The following MVB12B variants were observed in gnomAD, a reference collection of about 807,000 sequenced individuals.
The protein encoded by MVB12B is multivesicular body subunit 12B.
In MVB12B, 16 loss-of-function variants were observed where a neutral mutation model predicts 41.6. The ratio of observed to expected loss-of-function variants is 0.38; its 90% confidence interval spans 0.26 to 0.58. The LOEUF is 0.58. Ranked by LOEUF, MVB12B falls within the 20% of genes least tolerant of loss-of-function variation. MVB12B has a pLI of 0.62. For missense variants in MVB12B, 274 were observed against 380.2 expected (o/e 0.72, Z 2.32); for synonymous variants, 133 against 139.7 (o/e 0.95, Z 0.34).
intron 9 of MVB12B, among the ~76,000 whole-genome samples, chr9:126,491,944 T>C (rs1340928552): frequency 6.6e-6 from 1 of 152,160 alleles, no homozygotes; most frequent in Non-Finnish European, 1.5e-5. Flanking sequence ...CCATAAATTG[T>C]TGAGGTTCTT....
chr9:126,470,967 C>T (rs1395710846), intron 7 of MVB12B, among the ~76,000 whole-genome samples: 1 of 152,158 alleles, frequency 6.6e-6, no homozygotes, highest in Non-Finnish European at 1.5e-5. Context: ...CTGAGCAGTT[C>T]GTTCGTACCT....
At chr9:126,398,710 G>A (rs914231581) in intron 6 of MVB12B, among the ~76,000 whole-genome samples, 14 of 151,970 alleles carry the variant, frequency 9.2e-5, no homozygotes, top group Non-Finnish European at 1.5e-4. Flanking sequence ...GTTCTGAGCC[G>A]GAGCTAGTGG....
At chr9:126,422,411 G>A (rs567155579) in intron 7 of MVB12B, among the ~76,000 whole-genome samples, 58 of 152,270 alleles carry the variant, frequency 3.8e-4, no homozygotes, top group African/African-American at 1.3e-3. Flanking sequence ...ATGAGTCTGT[G>A]GTTTCTGAAC....
chr9:126,462,949 T>G (rs1833119312), intron 7 of MVB12B, among the ~76,000 whole-genome samples: 1 of 152,238 alleles, frequency 6.6e-6, no homozygotes, highest in South Asian at 2.1e-4. Flanking sequence ...TTGATGGCAT[T>G]CTGCCTCATA....
rs182259987 is a variant in MVB12B, at chr9:126,444,685, T to C, written c.757+22737T>C. ...TTGCCATCACGTTTTAGAAAAGCCTTCTCGGTTTTCTGGTATATTCTAGTA... is the reference window on the plus strand; with the variant it reads ...TTGCCATCACGTTTTAGAAAAGCCTCCTCGGTTTTCTGGTATATTCTAGTA... On this transcript the variant is annotated intron_variant, in intron 7 of 9. Coordinates refer to ENST00000361171, the MANE Select transcript of MVB12B (RefSeq NM_033446.3). Among the ~76,000 whole-genome samples the C allele has an allele frequency of 2.6e-5, 4 of 152,336 alleles. No individual in the cohort carries two copies. In the East Asian group the frequency reaches 7.7e-4, roughly 29 times the overall value.
At chr9:126,351,355 G>A (rs1371075251) in intron 2 of MVB12B, among the ~76,000 whole-genome samples, 1 of 151,360 alleles carries the variant, frequency 6.6e-6, no homozygotes, top group Non-Finnish European at 1.5e-5. Flanking sequence ...TTTCCCATCT[G>A]TATGCCTTTT....
chr9:126,442,040 C>G (rs1429274569), intron 7 of MVB12B, among the ~76,000 whole-genome samples: 1 of 152,164 alleles, frequency 6.6e-6, no homozygotes, highest in Non-Finnish European at 1.5e-5. Flanking sequence ...AAATAGCTAG[C>G]CCATAATCAT....
intron 7 of MVB12B, among the ~76,000 whole-genome samples, chr9:126,423,085 T>C (rs1180192769): frequency 2.0e-5 from 3 of 152,162 alleles, no homozygotes; most frequent in Admixed American, 1.3e-4. Context: ...GCATAACAAG[T>C]GTGGAAAGAT....
intron 6 of MVB12B, among the ~76,000 whole-genome samples, chr9:126,416,133 G>A (rs939663676): frequency 8.5e-5 from 13 of 152,250 alleles, no homozygotes; most frequent in African/African-American, 2.9e-4. Flanking sequence ...GAAAGGCCCC[G>A]TGGGTTCTGC....
In MVB12B at chr9:126,392,036, T is replaced by G. The variant is rs1465071318; in HGVS notation, c.410-30T>G. On this transcript the variant is annotated intron_variant, in intron 4 of 9. Coordinates refer to ENST00000361171, the MANE Select transcript of MVB12B (RefSeq NM_033446.3). This position sits in a 1 kb window ranked among gnomAD's most constrained non-coding sequence, Gnocchi z 4.8. ...AGAGATTCTGGTATCTCTGGAAAAC[T>G]CATACCTTTTCTATTGTCCTTTCCT... 1.2e-6 allele frequency: 2 copies of G among 1,613,550 alleles called. No individual in the cohort carries two copies. Among genetic ancestry groups the G allele is most frequent in the South Asian group, 2.2e-5 (2 of 91,058 alleles).
At chr9:126,347,464 C>G (rs1829629937) in intron 2 of MVB12B, among the ~76,000 whole-genome samples, 2 of 152,164 alleles carry the variant, frequency 1.3e-5, no homozygotes, top group South Asian at 2.1e-4. Context: ...TATATATGCC[C>G]AAAACGTAGT....
chr9:126,497,896 G>A (rs1014390277), intron 9 of MVB12B, among the ~76,000 whole-genome samples: 2 of 152,178 alleles, frequency 1.3e-5, no homozygotes, highest in Non-Finnish European at 2.9e-5. Context: ...TTGTCAAAAC[G>A]CCCACACCCA....
chr9:126,457,178 C>T (rs1274633489), intron 7 of MVB12B, among the ~76,000 whole-genome samples: 1 of 152,124 alleles, frequency 6.6e-6, no homozygotes, highest in Non-Finnish European at 1.5e-5. Flanking sequence ...CCTTCCCTTA[C>T]CCACACTGCG....
chr9:126,419,459 G>T (rs559375771), intron 6 of MVB12B, among the ~76,000 whole-genome samples: 1 of 152,148 alleles, frequency 6.6e-6, no homozygotes, highest in African/African-American at 2.4e-5. Flanking sequence ...ACTGGGCCGC[G>T]CATATTGTGT....
intron 7 of MVB12B, among the ~76,000 whole-genome samples, chr9:126,455,376 C>T (rs1311568801): frequency 5.9e-5 from 9 of 151,510 alleles, no homozygotes; most frequent in Admixed American, 6.6e-5. Flanking sequence ...TTAGTAGAGA[C>T]GGGGTTTCAC....
chr9:126,332,967 T>A (rs984522350), intron 1 of MVB12B, among the ~76,000 whole-genome samples: 1 of 152,254 alleles, frequency 6.6e-6, no homozygotes, highest in African/African-American at 2.4e-5. Flanking sequence ...CGAGTGCATG[T>A]GTGCACATAC....
At chr9:126,461,490 A>G (rs1026122867) in intron 7 of MVB12B, among the ~76,000 whole-genome samples, 6 of 152,236 alleles carry the variant, frequency 3.9e-5, no homozygotes, top group Admixed American at 6.5e-5. Flanking sequence ...GAAAGAAACT[A>G]AGGGAACATC....
intron 7 of MVB12B, among the ~76,000 whole-genome samples, chr9:126,443,859 G>T (rs900798763): frequency 2.0e-5 from 3 of 152,226 alleles, no homozygotes; most frequent in Non-Finnish European, 4.4e-5. Flanking sequence ...AAGTTCACTT[G>T]CCTCCATTTC....
chr9:126,400,771 C>T (rs983743535), intron 6 of MVB12B, among the ~76,000 whole-genome samples: 1 of 152,216 alleles, frequency 6.6e-6, no homozygotes, highest in African/African-American at 2.4e-5. Context: ...TGTGCAGCCT[C>T]CCTGAGAGGG....
Sources: gnomAD v4.1 joint callset for allele counts (sites outside exome capture counted in the v4.1 genomes callset) on GRCh38, gnomAD v4.1.1 for gene constraint, Gnocchi (gnomAD v3.1) non-coding constraint, MANE v1.5 for transcripts, NCBI Gene and HGNC (gene_info 2026-07-23, HGNC 2026-07-21) for gene names.